Variants in HP1BP3 observed in about 807,000 individuals in gnomAD.
HP1BP3 encodes the protein heterochromatin protein 1-binding protein 3.
A neutral mutation model predicts 62.5 loss-of-function variants in HP1BP3; 12 were observed. The ratio of observed to expected loss-of-function variants is 0.19; its 90% confidence interval spans 0.12 to 0.31. The LOEUF (loss-of-function observed/expected upper bound fraction) is 0.31. Ranked by LOEUF, HP1BP3 falls within the 10% of genes least tolerant of loss-of-function variation. The probability of loss-of-function intolerance (pLI) is 1.00; values close to 1 mark genes in which losing one functional copy is unlikely to be tolerated. For synonymous variants in HP1BP3, 260 were observed against 237.8 expected, an observed-to-expected ratio of 1.09 and a Z score of -0.86; for missense variants, 502 against 651.8, an observed-to-expected ratio of 0.77 and a Z score of 2.50.
chr1:20,758,872 C>T (rs1202033196), intron 8 of HP1BP3, among the ~76,000 whole-genome samples: 3 of 151,458 alleles, frequency 2.0e-5, no homozygotes, highest in African/African-American at 7.3e-5. Flanking sequence ...AGCCTGGTCT[C>T]GAACTTGTAG....
intron 4 of HP1BP3, chr1:20,774,781 G>C (rs1446183601): frequency 6.6e-6 from 1 of 152,148 alleles, no homozygotes; most frequent in Non-Finnish European, 1.5e-5. Context: ...TCAAAAGATT[G>C]AGACCATCCT....
intron 7 of HP1BP3, among the ~76,000 whole-genome samples, chr1:20,766,886 T>A (rs569043674): frequency 3.0e-4 from 46 of 151,890 alleles, no homozygotes; most frequent in African/African-American, 1.1e-3. Flanking sequence ...GAGGTTGCAG[T>A]GAGCCAAGAT....
intron 5 of HP1BP3, 151 bp downstream of exon 5, chr1:20,773,300 A>C: frequency 4.1e-6 from 2 of 487,410 alleles, no homozygotes; most frequent in Non-Finnish European, 6.6e-6. Context: ...TATATTAGAA[A>C]AACATGAACT....
intron 3 of HP1BP3, among the ~76,000 whole-genome samples, chr1:20,777,841 TTCCA>T (rs2057372518): frequency 6.6e-6 from 1 of 152,256 alleles, no homozygotes; most frequent in African/African-American, 2.4e-5. Context: ...AGCGAGTGAT[TTCCA>T]TCCTCCTTTG....
At chr1:20,767,450 T>C in intron 7 of HP1BP3, 134 bp downstream of exon 7, 2 of 725,268 alleles carry the variant, frequency 2.8e-6, no homozygotes, top group Non-Finnish European at 4.9e-6. Context: ...AAATTATTTA[T>C]AACTTCCCTA....
chr1:20,759,001 C>G (rs554466308), intron 8 of HP1BP3, among the ~76,000 whole-genome samples: 1 of 152,020 alleles, frequency 6.6e-6, no homozygotes, highest in African/African-American at 2.4e-5. Flanking sequence ...AACGTGTGGG[C>G]CATGTTAGGA....
intron 8 of HP1BP3, among the ~76,000 whole-genome samples, chr1:20,763,837 T>A (rs536631801): frequency 6.6e-6 from 1 of 152,236 alleles, no homozygotes; most frequent in Non-Finnish European, 1.5e-5. Flanking sequence ...ACAGGTGTTA[T>A]TGAAGCCTGA....
intron 10 of HP1BP3, among the ~76,000 whole-genome samples, chr1:20,749,340 G>C (rs886527372): frequency 6.7e-6 from 1 of 149,524 alleles, no homozygotes; most frequent in African/African-American, 2.5e-5. Flanking sequence ...TGATCTCTAT[G>C]ATTTTTTTTT....
chr1:20,754,007 C>T (rs1226141203), intron 9 of HP1BP3, among the ~76,000 whole-genome samples: 3 of 152,156 alleles, frequency 2.0e-5, no homozygotes, highest in Non-Finnish European at 2.9e-5. Context: ...GGAGGTTAAT[C>T]TAGAGCAATC....
Position 20,744,798 on chromosome 1 carries a change from T to C in HP1BP3, c.1661A>G (p.Ter554=), listed in dbSNP as rs991996508. ...TMKKSFRVKK[*] is the part of the protein sequence containing the mutation. ...TGATACCCTTTTTTCCTATAAAATT[T>C]ACTTTTTCACTCTGAAAGACTTCTT... Residue 554 remains the stop codon, a stop_retained_variant, in exon 13 of 13, where the codon TAA becomes TGA. Coordinates refer to ENST00000438032, the MANE Select transcript of HP1BP3 (RefSeq NM_001372052.1). The C allele has an allele frequency of 3.8e-6, 6 of 1,591,964 alleles. No homozygotes were observed. The African/African-American group carries it at 5.4e-5, about 14-fold the overall frequency.
intron 1 of HP1BP3, among the ~76,000 whole-genome samples, chr1:20,782,609 AAAAC>A (rs1460929829): frequency 1.3e-5 from 2 of 151,722 alleles, no homozygotes; most frequent in Non-Finnish European, 2.9e-5. Context: ...AATTTAAAAA[AAAAC>A]ACAAAAGGGC....
chr1:20,747,718 C>A, intron 10 of HP1BP3, 63 bp from the exon 11 acceptor site: 1 of 952,980 alleles, frequency 1.0e-6, no homozygotes, highest in Non-Finnish European at 1.7e-6. Context: ...TTCCCTCAAC[C>A]ACAAACAGAT....
At chr1:20,785,876 G>C (rs958024238) in intron 1 of HP1BP3, among the ~76,000 whole-genome samples, 1 of 152,126 alleles carries the variant, frequency 6.6e-6, no homozygotes, top group Non-Finnish European at 1.5e-5. Context: ...CCTATGTCAG[G>C]TTAAACAAAA....
At chr1:20,784,336 C>G (rs1029524135) in intron 1 of HP1BP3, among the ~76,000 whole-genome samples, 1 of 152,176 alleles carries the variant, frequency 6.6e-6, no homozygotes, top group African/African-American at 2.4e-5. Flanking sequence ...GGCTGCCACA[C>G]TTGTTCCTGG....
At chr1:20,758,409 G>A (rs966109186) in intron 8 of HP1BP3, among the ~76,000 whole-genome samples, 10 of 151,812 alleles carry the variant, frequency 6.6e-5, no homozygotes, top group East Asian at 1.9e-4. Context: ...GCAGTGGCGC[G>A]ATCTCAGGTC....
At chr1:20,746,186 ATG>A (rs35710978) in intron 11 of HP1BP3, among the ~76,000 whole-genome samples, 44,003 of 142,316 alleles carry the variant, frequency 0.31, 6,760 homozygotes, top group Middle Eastern at 0.38. Context: ...ACATACATAT[ATG>A]TGTGTGTGTG....
At chr1:20,758,534 G>C (rs912496096) in intron 8 of HP1BP3, among the ~76,000 whole-genome samples, 1 of 152,112 alleles carries the variant, frequency 6.6e-6, no homozygotes, top group Non-Finnish European at 1.5e-5. Flanking sequence ...TTTTAGTAAA[G>C]ACGGGGTTTC....
rs1006838644 is a variant in HP1BP3, at chr1:20,740,429, A to T, written c.*4368T>A. On this transcript the variant is annotated 3_prime_UTR_variant, in exon 13 of 13. Coordinates refer to ENST00000438032, the MANE Select transcript of HP1BP3 (RefSeq NM_001372052.1). The stretch of plus-strand genomic sequence containing the variant: ...GACAAGACAGAATTAAGAACAGTTA[A>T]AACAGTTAAAAAGCTGATAAAATTA... Among the ~76,000 whole-genome samples, 3 of 152,236 alleles carry T rather than the reference A, an allele frequency of 2.0e-5. No individual in the cohort carries two copies. The highest frequency in any genetic ancestry group is 7.2e-5 in the African/African-American group (3 of 41,456).
chr1:20,766,227 G>T (rs2056774850), intron 7 of HP1BP3, among the ~76,000 whole-genome samples: 1 of 152,074 alleles, frequency 6.6e-6, no homozygotes, highest in Admixed American at 6.6e-5. Context: ...GAAGGCGGAG[G>T]TTGCAGAGAT....
Sources: allele counts gnomAD v4.1 joint callset (sites outside exome capture counted in the v4.1 genomes callset), GRCh38; gene constraint gnomAD v4.1.1; transcripts MANE v1.5; gene names NCBI Gene and HGNC (gene_info 2026-07-23, HGNC 2026-07-21).